Variants in CEP83 observed in about 807,000 individuals in gnomAD.
CEP83 encodes the protein centrosomal protein of 83 kDa.
A neutral mutation model predicts 101.9 loss-of-function variants in CEP83; 70 were observed. That is an observed-to-expected ratio of 0.69 (90% CI 0.57 to 0.84). The LOEUF (loss-of-function observed/expected upper bound fraction) is 0.84. CEP83 is among the 40% of genes least tolerant of loss of function. The pLI is 0.00. For synonymous variants in CEP83, 264 were observed against 267.9 expected, an observed-to-expected ratio of 0.99 and a Z score of 0.14; for missense variants, 715 against 787.2, an observed-to-expected ratio of 0.91 and a Z score of 1.10.
At chr12:94,309,277 C>T (rs1159171239) in intron 16 of CEP83, among the ~76,000 whole-genome samples, 2 of 152,168 alleles carry the variant, frequency 1.3e-5, no homozygotes, top group East Asian at 3.8e-4. Context: ...AGATTCAATT[C>T]AGTGATTAAA....
Position 94,320,237 on chromosome 12 carries a change from T to C in CEP83, c.1708-7220A>G, listed in dbSNP as rs117942111. Among the ~76,000 whole-genome samples the C allele has an allele frequency of 1.0e-3, 158 of 152,330 alleles. 1 individual carries two copies. In the East Asian group the frequency reaches 0.022, roughly 21 times the overall value. ...ATTTATTTTGAGCCTATGGGTGTCA[T>C]TGCATATAAGATGGGTCTCTTGAAG... On this transcript the variant is annotated intron_variant, in intron 14 of 16. Transcript: ENST00000397809.
chr12:94,326,218 C>T (rs2058968826), intron 14 of CEP83, among the ~76,000 whole-genome samples: 1 of 152,154 alleles, frequency 6.6e-6, no homozygotes, highest in African/African-American at 2.4e-5. Context: ...GGAGGCTCTG[C>T]ACCACAATCC....
At chr12:94,423,963 T>G in intron 2 of CEP83, 1 of 1,613,042 alleles carries the variant, frequency 6.2e-7, no homozygotes, top group South Asian at 1.1e-5. Context: ...GGTCCCATCA[T>G]GGAGGCAGGC....
In CEP83 at chr12:94,378,795, A is replaced by T; in HGVS notation, c.797T>A (p.Leu266Gln). Reference sequence around the variant, plus strand: ...GGGAAGTAATTAGAATCTTACCTCCAGGGATCTGACTGTAGCCTGCATCTC... The same window carrying T: ...GGGAAGTAATTAGAATCTTACCTCCTGGGATCTGACTGTAGCCTGCATCTC... ...LAEMQATVRS[L>Q]EAEKQSANLR... Residue 266 changes from leucine (L) to glutamine (Q), a missense_variant, in exon 7 of 17, where the codon CTG becomes CAG. By Grantham distance (113) the Leu-to-Gln change is moderately radical (BLOSUM62 -2). Coordinates refer to ENST00000397809, the MANE Select transcript of CEP83 (RefSeq NM_016122.3). 3 of 1,613,968 alleles carry T rather than the reference A, an allele frequency of 1.9e-6. No homozygotes were observed. Among genetic ancestry groups the T allele is most frequent in the Non-Finnish European group, 2.5e-6 (3 of 1,179,884 alleles).
chr12:94,333,535 T>C lies in CEP83; in HGVS notation c.1524A>G (p.Gln508=). ...MLKEMVERLK[Q]ECRNFRSQAE... ...CTTGGCTTCTAAAATTTCGGCATTC[T>C]TGTTTTAATCTCTCCACCATTTCCT... Residue 508 remains glutamine (Q), a synonymous_variant, in exon 13 of 17, where the codon CAA becomes CAG. Coordinates refer to ENST00000397809, the MANE Select transcript of CEP83 (RefSeq NM_016122.3). 6.2e-7 allele frequency: 1 copy of C among 1,613,876 alleles called. No homozygotes were observed. Among genetic ancestry groups the C allele is most frequent in the Non-Finnish European group, 8.5e-7 (1 of 1,179,856 alleles).
downstream of CEP83, chr12:94,304,296 C>G (rs889416258): frequency 8.1e-6 from 3 of 370,126 alleles, no homozygotes; most frequent in Admixed American, 8.5e-5. Flanking sequence ...ATGGGGCCTA[C>G]AGCCACCCTG....
intron 1 of CEP83, among the ~76,000 whole-genome samples, chr12:94,444,141 G>GT (rs1309180478): frequency 6.6e-6 from 1 of 152,190 alleles, no homozygotes; most frequent in Non-Finnish European, 1.5e-5. Flanking sequence ...GCTCACGCCC[G>GT]TAATTCCAGT....
intron 2 of CEP83, among the ~76,000 whole-genome samples, chr12:94,413,478 A>T (rs995505452): frequency 1.3e-5 from 2 of 152,194 alleles, no homozygotes; most frequent in Non-Finnish European, 2.9e-5. Context: ...GTAACTGGCT[A>T]GGGAGAATCA....
chr12:94,370,430 G>C (rs558415354), intron 8 of CEP83, among the ~76,000 whole-genome samples: 2 of 152,314 alleles, frequency 1.3e-5, no homozygotes, highest in Non-Finnish European at 2.9e-5. Context: ...CTGGAGTGCA[G>C]TGGCACGATC....
At chr12:94,368,561 A>G (rs1276549169) in intron 9 of CEP83, 3 of 165,986 alleles carry the variant, frequency 1.8e-5, no homozygotes, top group African/African-American at 7.1e-5. Flanking sequence ...CCTCATAGAA[A>G]AAGCTGGCTG....
At chr12:94,288,872 G>A in the CEP83 span, among the ~76,000 whole-genome samples, 14 of 152,214 alleles carry the variant, frequency 9.2e-5, no homozygotes, top group Admixed American at 9.2e-4. Context: ...AGGAATGAGA[G>A]ATTTCAATCA....
chr12:94,299,560 C>T, the CEP83 span, among the ~76,000 whole-genome samples: 2 of 142,098 alleles, frequency 1.4e-5, no homozygotes, highest in African/African-American at 5.1e-5. Flanking sequence ...TTCCTGTGTT[C>T]TAGCCTCTTT....
In CEP83 at chr12:94,452,850, C is replaced by T. The variant is rs2067360562; in HGVS notation, c.-155+6707G>A. 3.9e-5 allele frequency among the ~76,000 whole-genome samples: 6 copies of T among 152,272 alleles called. No homozygotes were observed. In the South Asian group the frequency reaches 1.0e-3, roughly 26 times the overall value. The stretch of plus-strand genomic sequence containing the variant: ...ACAGCTTACCTTATTTTAATCCATA[C>T]ATTAAGGACCAAAAAATTAAGTAAC... On this transcript the variant is annotated intron_variant, in intron 1 of 16. Coordinates refer to ENST00000397809, the MANE Select transcript of CEP83 (RefSeq NM_016122.3).
chr12:94,355,111 G>C (rs1437132601), intron 11 of CEP83, among the ~76,000 whole-genome samples: 1 of 152,080 alleles, frequency 6.6e-6, no homozygotes, highest in Non-Finnish European at 1.5e-5. Flanking sequence ...GCAGAATTAA[G>C]AGTGAAAGTT....
At chr12:94,347,074 T>TAC (rs527486795) in intron 11 of CEP83, among the ~76,000 whole-genome samples, 2,303 of 129,756 alleles carry the variant, frequency 0.018, 49 homozygotes, top group South Asian at 0.1. Flanking sequence ...TATATACACA[T>TAC]ACACACACAC....
chr12:94,440,272 T>A (rs576796399), intron 1 of CEP83, among the ~76,000 whole-genome samples: 1 of 152,234 alleles, frequency 6.6e-6, no homozygotes, highest in Admixed American at 6.5e-5. Flanking sequence ...GATATGATCA[T>A]ATACCTAGAA....
Position 94,313,527 on chromosome 12 carries a change from TAAAAAAAAAAAA to T in CEP83, c.1708-522_1708-511del, listed in dbSNP as rs58864740. 8.6e-3 allele frequency among the ~76,000 whole-genome samples: 826 copies of T among 95,722 alleles called. 8 individuals are homozygous for T. Among genetic ancestry groups the T allele is most frequent in the African/African-American group, 0.032 (768 of 24,214 alleles). 62.8% of individuals were successfully genotyped at this position (95,722 alleles called of 152,430 possible). ...CCTGGACAACAGATCAAGAACCCAT[TAAAAAAAAAAAA>T]AAAAAAAAAGGGTGGGGAGCCAGGC... On this transcript the variant is annotated intron_variant, in intron 14 of 16. Transcript: ENST00000397809.
chr12:94,402,053 A>G (rs952098848), intron 5 of CEP83, among the ~76,000 whole-genome samples: 44 of 152,222 alleles, frequency 2.9e-4, no homozygotes, highest in African/African-American at 1.0e-3. Context: ...ACATATATAA[A>G]ATGTCTACCA....
rs147987900 is a variant in CEP83 at position 94,443,001 on chromosome 12, A to G, written c.-154-7674T>C. On this transcript the variant is annotated intron_variant, in intron 1 of 16. Coordinates refer to ENST00000397809, the MANE Select transcript of CEP83 (RefSeq NM_016122.3). ...GACTTTAGTATTTTCTCATTCTTAC[A>G]TAGCCTACAAATATCACCAAAACAA... Among the ~76,000 whole-genome samples, 606 of 152,322 alleles carry G rather than the reference A, an allele frequency of 4.0e-3. 2 individuals carry two copies. The highest frequency in any genetic ancestry group is 0.014 in the African/African-American group (565 of 41,574).
Sources: allele counts gnomAD v4.1 joint callset (sites outside exome capture counted in the v4.1 genomes callset), GRCh38; gene constraint gnomAD v4.1.1; transcripts MANE v1.5; gene names NCBI Gene and HGNC (gene_info 2026-07-23, HGNC 2026-07-21).